DENND5A: variants seen among roughly 807,000 people sequenced by gnomAD.
DENND5A encodes DENN domain containing 5A.
Under a neutral mutation model 140.3 loss-of-function variants are expected in DENND5A, and 64 were observed. That is an observed-to-expected ratio of 0.46 (90% CI 0.37 to 0.56). The LOEUF (loss-of-function observed/expected upper bound fraction) is 0.56, where lower values mean the gene tolerates loss of function less well. DENND5A is among the 20% of genes least tolerant of loss of function. The pLI is 0.00. For synonymous variants in DENND5A, 605 were observed against 607.7 expected (o/e 1.00, Z 0.07); for missense variants, 1,292 against 1,593.8 (o/e 0.81, Z 3.22).
Position 9,152,410 on chromosome 11 carries a change from ATG to A in DENND5A, c.2467_2468del (p.His823LeufsTer22). On this transcript the variant is annotated frameshift_variant, in exon 13 of 23. Transcript: ENST00000328194. LOFTEE classifies it high-confidence loss of function. The part of the protein sequence containing the change: ...GKSALWSHLL[H>X]YQDNRQRKLT... ...GTTTTCTCTGCCGGTTGTCCTGATAATGTAACAGGTGGGACCATAAGGCTGAT... is the reference window on the plus strand; with the variant it reads ...GTTTTCTCTGCCGGTTGTCCTGATAATAACAGGTGGGACCATAAGGCTGAT... 6.2e-7 allele frequency: 1 copy of A among 1,613,896 alleles called. No individual in the cohort carries two copies. The highest frequency in any genetic ancestry group is 8.5e-7 in the Non-Finnish European group (1 of 1,179,766).
At chr11:9,201,405 G>T (rs1016125537) in intron 4 of DENND5A, among the ~76,000 whole-genome samples, 2 of 151,750 alleles carry the variant, frequency 1.3e-5, no homozygotes, top group African/African-American at 4.8e-5. Flanking sequence ...TTAAGGCTGG[G>T]CACAGTGGCG....
intron 1 of DENND5A, among the ~76,000 whole-genome samples, chr11:9,235,950 T>C (rs1240038355): frequency 6.6e-6 from 1 of 151,982 alleles, no homozygotes; most frequent in Admixed American, 6.6e-5. Context: ...AATTACACAT[T>C]TTTAAACGGG....
Position 9,265,058 on chromosome 11 carries a change from G to A in DENND5A, c.12C>T (p.Gly4=). The A allele has an allele frequency of 3.9e-6, 6 of 1,543,988 alleles. No individual in the cohort carries two copies. Among genetic ancestry groups the A allele is most frequent in the South Asian group, 3.6e-5 (3 of 84,152 alleles). The part of the protein sequence containing the change: MSG[G]GGGGGSAPSR... ...TGGGCGCCGAGCCCCCTCCGCCGCCGCCGCCACTCATGGCGCCGGGGCCGA... is the reference window on the plus strand; with the variant it reads ...TGGGCGCCGAGCCCCCTCCGCCGCCACCGCCACTCATGGCGCCGGGGCCGA... The change falls in exon 1 of 23, where the codon GGC becomes GGT. Residue 4 remains glycine (G), a synonymous_variant. Coordinates refer to ENST00000328194, the MANE Select transcript of DENND5A (RefSeq NM_015213.4). The surrounding 1 kb of genome is among the most constrained non-coding windows in gnomAD (Gnocchi z 4.7).
chr11:9,150,139 C>G lies in DENND5A; in HGVS notation c.2677G>C (p.Glu893Gln), dbSNP rs1554911539. Residue 893 changes from glutamate (E) to glutamine (Q), a missense_variant, in exon 15 of 23, where the codon GAA becomes CAA. Glu to Gln is a conservative substitution (Grantham distance 29). Transcript: ENST00000328194. ...AGGTGTCTGGAAAGTAACTTTTTTT[C>G]CATGGACAGTCGCACCCATGCTCTG... ...KARAWVRLSMEKKLLSRHLKQ... is the reference protein window; with the variant it reads ...KARAWVRLSMQKKLLSRHLKQ... 6.2e-7 allele frequency: 1 copy of G among 1,613,700 alleles called. No homozygotes were observed. The highest frequency in any genetic ancestry group is 1.3e-5 in the African/African-American group (1 of 74,888).
intron 12 of DENND5A, among the ~76,000 whole-genome samples, chr11:9,153,318 C>G (rs1847692122): frequency 8.3e-6 from 1 of 120,256 alleles, no homozygotes; most frequent in African/African-American, 3.5e-5. Flanking sequence ...GCACTCCAGC[C>G]TGGGTGACAG....
At chr11:9,252,755 T>C (rs1283835222) in intron 1 of DENND5A, among the ~76,000 whole-genome samples, 2 of 151,920 alleles carry the variant, frequency 1.3e-5, no homozygotes, top group African/African-American at 2.4e-5. Context: ...CTAAAACATA[T>C]CAACATATGA....
intron 1 of DENND5A, among the ~76,000 whole-genome samples, chr11:9,238,359 G>A (rs61877908): frequency 1.1e-4 from 17 of 150,190 alleles, no homozygotes; most frequent in South Asian, 2.1e-4. Context: ...GTGTGTGTGT[G>A]TATATATATA....
At chr11:9,215,324 T>C (rs1292596397) in intron 1 of DENND5A, among the ~76,000 whole-genome samples, 1 of 152,192 alleles carries the variant, frequency 6.6e-6, no homozygotes, top group Non-Finnish European at 1.5e-5. Flanking sequence ...TTAGAGAGAC[T>C]AGGTTTGAGA....
chr11:9,253,405 T>G (rs1851811319), intron 1 of DENND5A, among the ~76,000 whole-genome samples: 1 of 152,166 alleles, frequency 6.6e-6, no homozygotes, highest in Non-Finnish European at 1.5e-5. Flanking sequence ...ATCATTAAAG[T>G]AAAATCCACT....
intron 1 of DENND5A, among the ~76,000 whole-genome samples, chr11:9,216,769 G>C (rs1204364023): frequency 6.6e-6 from 1 of 152,214 alleles, no homozygotes; most frequent in Non-Finnish European, 1.5e-5. Context: ...CTAGTCTGGA[G>C]GCTGAGGTGG....
At chr11:9,142,887 C>T (rs778436171) in intron 20 of DENND5A, 42 bp from the exon 21 acceptor site, 33 of 1,607,196 alleles carry the variant, frequency 2.1e-5, no homozygotes, top group African/African-American at 2.7e-5. Context: ...TTGTCTCAGC[C>T]GAGCTGCCCT....
chr11:9,264,825 C>A (rs1590358167), intron 1 of DENND5A, 136 bp downstream of exon 1: 8 of 707,196 alleles, frequency 1.1e-5, no homozygotes, highest in Non-Finnish European at 1.8e-5. Flanking sequence ...AAGCCCCCTT[C>A]GCCCGCGCCC....
At chr11:9,249,848 C>G (rs1255929386) in intron 1 of DENND5A, among the ~76,000 whole-genome samples, 1 of 152,018 alleles carries the variant, frequency 6.6e-6, no homozygotes, top group East Asian at 1.9e-4. Flanking sequence ...CCGTGCCCGG[C>G]CTCATTTTTA....
chr11:9,171,125 G>A lies in DENND5A; in HGVS notation c.1907-348C>T, dbSNP rs952687815. On this transcript the variant is annotated intron_variant, in intron 8 of 22. Transcript: ENST00000328194. The stretch of plus-strand genomic sequence containing the variant: ...AGACTGGTGGACTCCCTGAGTTAAG[G>A]AGACCAAGGTGGCTAGAGTTCATAT... The A allele has an allele frequency of 1.5e-4, 36 of 234,580 alleles. 1 individual carries two copies. Among genetic ancestry groups the A allele is most frequent in the Admixed American group, 1.5e-3 (29 of 19,704 alleles). The allele number at this position is 234,580 out of a possible 1,614,324, so 14.5% of individuals were successfully genotyped here.
chr11:9,171,066 C>A, intron 8 of DENND5A: 1 of 343,064 alleles, frequency 2.9e-6, no homozygotes, highest in Admixed American at 4.3e-5. Context: ...AGAAAGCTTC[C>A]AGGCTGTGGC....
At chr11:9,241,248 C>CA (rs1189178318) in intron 1 of DENND5A, among the ~76,000 whole-genome samples, 2 of 152,180 alleles carry the variant, frequency 1.3e-5, no homozygotes, top group African/African-American at 2.4e-5. Flanking sequence ...AAAACTCTTA[C>CA]AGTAGCCAAA....
chr11:9,216,127 G>A (rs1377232836), intron 1 of DENND5A, among the ~76,000 whole-genome samples: 1 of 152,208 alleles, frequency 6.6e-6, no homozygotes, highest in Non-Finnish European at 1.5e-5. Flanking sequence ...ACAGGATTAA[G>A]GACCTAACTT....
chr11:9,168,105 T>C (rs958954635), intron 10 of DENND5A, among the ~76,000 whole-genome samples: 1 of 151,984 alleles, frequency 6.6e-6, no homozygotes, highest in Non-Finnish European at 1.5e-5. Flanking sequence ...TTTTTTTTTT[T>C]TGTCTTTAGC....
At chr11:9,198,340 C>G (rs989525710) in intron 4 of DENND5A, among the ~76,000 whole-genome samples, 1 of 150,688 alleles carries the variant, frequency 6.6e-6, no homozygotes, top group African/African-American at 2.4e-5. Context: ...CAGGGCTGGG[C>G]GCAGTGGCTC....
Sources: allele counts gnomAD v4.1 joint callset (sites outside exome capture counted in the v4.1 genomes callset), GRCh38; gene constraint gnomAD v4.1.1; non-coding constraint Gnocchi (gnomAD v3.1); transcripts MANE v1.5; gene names NCBI Gene and HGNC (gene_info 2026-07-23, HGNC 2026-07-21).